The following MEIS2 variants were observed in gnomAD, a reference collection of about 807,000 sequenced individuals.
MEIS2 encodes the protein Meis homeobox 2, also known as homeobox protein Meis2.
Under a neutral mutation model 58.6 loss-of-function variants are expected in MEIS2, and 9 were observed. That is an observed-to-expected ratio of 0.15 (90% CI 0.09 to 0.27). The LOEUF is 0.27. MEIS2 is among the 10% of genes least tolerant of loss of function. The pLI is 1.00. For missense variants in MEIS2, 427 were observed against 635.0 expected, an observed-to-expected ratio of 0.67 and a Z score of 3.52; for synonymous variants, 221 against 228.4, an observed-to-expected ratio of 0.97 and a Z score of 0.29.
chr15:36,906,771 G>A (rs975103635), intron 9 of MEIS2, among the ~76,000 whole-genome samples: 3 of 151,990 alleles, frequency 2.0e-5, no homozygotes, highest in African/African-American at 7.3e-5. Flanking sequence ...TGCAGGAGTA[G>A]GTAACAGGAT....
intron 8 of MEIS2, among the ~76,000 whole-genome samples, chr15:36,990,093 C>T (rs796497059): frequency 3.3e-5 from 5 of 152,120 alleles, no homozygotes; most frequent in African/African-American, 1.2e-4. Flanking sequence ...TACAGGCGCC[C>T]GCCACCACGC....
chr15:36,991,686 A>C (rs1180847787), intron 8 of MEIS2, among the ~76,000 whole-genome samples: 1 of 151,972 alleles, frequency 6.6e-6, no homozygotes, highest in African/African-American at 2.4e-5. Context: ...AATATAAGGC[A>C]AGTACAAAGT....
At chr15:37,045,573 A>G (rs908831261) in intron 7 of MEIS2, among the ~76,000 whole-genome samples, 3 of 152,228 alleles carry the variant, frequency 2.0e-5, no homozygotes, top group African/African-American at 4.8e-5. Flanking sequence ...TCAGCAAAGT[A>G]AATTTTTTCC....
chr15:36,889,864 C>A lies in MEIS2; in HGVS notation c.*2309G>T, dbSNP rs1179141904. 6.6e-6 allele frequency: 1 copy of A among 152,222 alleles called. No individual in the cohort carries two copies. The highest frequency in any genetic ancestry group is 1.5e-5 in the Non-Finnish European group (1 of 68,030). The allele number at this position is 152,222 out of a possible 1,614,324, so 9.4% of individuals were successfully genotyped here. ...ATAGCAAAAATGAGAGGGAAGCTAT[C>A]TCTCTTTCCCAAGTGGCACTGAATT... is the stretch of plus-strand genomic sequence containing the variant. On this transcript the variant is annotated 3_prime_UTR_variant, in exon 12 of 12. Coordinates refer to ENST00000561208, the MANE Select transcript of MEIS2 (RefSeq NM_170675.5).
At chr15:37,083,971 A>C in intron 6 of MEIS2, 86 bp from the exon 7 acceptor site, 1 of 1,085,728 alleles carries the variant, frequency 9.2e-7, no homozygotes, top group South Asian at 1.3e-5. Context: ...AGAAAGAGAC[A>C]AAAAAATGTA....
chr15:36,901,942 T>G (rs1189656643), intron 9 of MEIS2, among the ~76,000 whole-genome samples: 3 of 152,228 alleles, frequency 2.0e-5, no homozygotes, highest in Non-Finnish European at 4.4e-5. Context: ...TACTCCAGAC[T>G]TATGCATAGA....
At chr15:36,906,967 G>GCAACTAGATTTAGAGGCCAATGATAATTA (rs1444797524) in intron 9 of MEIS2, among the ~76,000 whole-genome samples, 8 of 152,096 alleles carry the variant, frequency 5.3e-5, no homozygotes, top group Admixed American at 1.3e-4. Flanking sequence ...GTTAATTTGT[G>GCAACTAGATTTAGAGGCCAATGATAATTA]CAACTAGATT....
At chr15:36,920,075 G>T (rs1257899309) in intron 9 of MEIS2, among the ~76,000 whole-genome samples, 4 of 152,074 alleles carry the variant, frequency 2.6e-5, no homozygotes, top group Admixed American at 6.6e-5. Flanking sequence ...AGAAATGGAG[G>T]CTGGAGATTA....
chr15:36,939,507 T>TG (rs2058300043), intron 9 of MEIS2, among the ~76,000 whole-genome samples: 1 of 151,954 alleles, frequency 6.6e-6, no homozygotes, highest in South Asian at 2.1e-4. Flanking sequence ...TATTGGGCTA[T>TG]GGAAGAGTTT....
At chr15:36,893,444 TC>T (rs1356007957) in intron 11 of MEIS2, among the ~76,000 whole-genome samples, 1 of 152,206 alleles carries the variant, frequency 6.6e-6, no homozygotes, top group Non-Finnish European at 1.5e-5. Context: ...GGCAAAACCA[TC>T]TAAAGACAAT....
chr15:36,911,566 C>T (rs1334781137), intron 9 of MEIS2, among the ~76,000 whole-genome samples: 1 of 152,182 alleles, frequency 6.6e-6, no homozygotes, highest in Non-Finnish European at 1.5e-5. Context: ...CACTCCCAAT[C>T]AATTCTACTT....
chr15:36,995,609 G>C, intron 8 of MEIS2, among the ~76,000 whole-genome samples: 1 of 97,596 alleles, frequency 1.0e-5, no homozygotes, highest in Non-Finnish European at 2.3e-5. Context: ...TCTTTCATTA[G>C]GGTTTTTTTT....
chr15:36,953,448 T>C (rs1254610211), intron 8 of MEIS2, among the ~76,000 whole-genome samples: 2 of 152,180 alleles, frequency 1.3e-5, no homozygotes, highest in South Asian at 4.1e-4. Flanking sequence ...GTTTCCATAT[T>C]CTTGGACTAA....
At chr15:37,055,206 T>C (rs539469496) in intron 7 of MEIS2, among the ~76,000 whole-genome samples, 6 of 152,288 alleles carry the variant, frequency 3.9e-5, no homozygotes, top group African/African-American at 1.2e-4. Flanking sequence ...CTATACCCTA[T>C]TGAGTAATTC....
intron 9 of MEIS2, among the ~76,000 whole-genome samples, chr15:36,945,225 A>C (rs2141373642): frequency 6.6e-6 from 1 of 152,088 alleles, no homozygotes; most frequent in South Asian, 2.1e-4. Context: ...GAACACTATT[A>C]TTGCCCTTCA....
intron 9 of MEIS2, among the ~76,000 whole-genome samples, chr15:36,904,448 C>A (rs1429462490): frequency 6.6e-6 from 1 of 152,066 alleles, no homozygotes; most frequent in Non-Finnish European, 1.5e-5. Flanking sequence ...CAACCATCTA[C>A]AAGGAAGCTC....
intron 8 of MEIS2, among the ~76,000 whole-genome samples, chr15:36,996,980 G>A (rs150252977): frequency 5.9e-5 from 9 of 152,296 alleles, no homozygotes; most frequent in Admixed American, 2.6e-4. Flanking sequence ...ACAGAGCTGT[G>A]AATCACTGAA....
At chr15:37,011,930 T>C (rs1048996573) in intron 8 of MEIS2, among the ~76,000 whole-genome samples, 2 of 152,080 alleles carry the variant, frequency 1.3e-5, no homozygotes, top group Admixed American at 1.3e-4. Flanking sequence ...GGTTTTACAG[T>C]CCATAGATCC....
chr15:37,022,782 G>A (rs962442365), intron 8 of MEIS2, among the ~76,000 whole-genome samples: 25 of 152,070 alleles, frequency 1.6e-4, no homozygotes, highest in African/African-American at 4.3e-4. Context: ...TCAGCCTCCC[G>A]AGTAGCTGGG....
Sources: gnomAD v4.1 joint callset for allele counts (sites outside exome capture counted in the v4.1 genomes callset) on GRCh38, gnomAD v4.1.1 for gene constraint, MANE v1.5 for transcripts, NCBI Gene and HGNC (gene_info 2026-07-23, HGNC 2026-07-21) for gene names.